LIMA1: variants seen among roughly 807,000 people sequenced by gnomAD.
LIMA1 encodes the protein LIM domain and actin-binding protein 1.
Under a neutral mutation model 62.6 loss-of-function variants are expected in LIMA1, and 52 were observed. The ratio of observed to expected loss-of-function variants is 0.83; its 90% CI spans 0.67 to 1.05. The LOEUF (loss-of-function observed/expected upper bound fraction) is 1.05, where lower values mean the gene tolerates loss of function less well. LIMA1 is among the 50% of genes least tolerant of loss of function. The probability of loss-of-function intolerance (pLI) is 0.00; values close to 1 mark genes in which losing one functional copy is unlikely to be tolerated. For synonymous variants in LIMA1, 302 were observed against 317.8 expected (o/e 0.95, Z 0.53); for missense variants, 780 against 902.2 (o/e 0.86, Z 1.74).
intron 8 of LIMA1, among the ~76,000 whole-genome samples, chr12:50,194,305 A>T (rs968276675): frequency 7.9e-6 from 1 of 127,104 alleles, no homozygotes; most frequent in African/African-American, 3.0e-5. Context: ...ATATATATAT[A>T]TTTTGTTTTG....
At chr12:50,219,273 T>G (rs1941402901) in intron 4 of LIMA1, among the ~76,000 whole-genome samples, 1 of 151,874 alleles carries the variant, frequency 6.6e-6, no homozygotes, top group African/African-American at 2.4e-5. Context: ...TCACCTGAGG[T>G]CAGGAGTTCA....
chr12:50,227,235 TTC>T (rs1491040971), intron 3 of LIMA1, among the ~76,000 whole-genome samples: 3 of 110,576 alleles, frequency 2.7e-5, no homozygotes, highest in South Asian at 4.0e-4. Context: ...CTTTTTTCTT[TTC>T]TTTTTTTTTT....
chr12:50,247,472 T>G (rs914910578), intron 2 of LIMA1, among the ~76,000 whole-genome samples: 4 of 152,034 alleles, frequency 2.6e-5, no homozygotes, highest in African/African-American at 9.7e-5. Flanking sequence ...GATGACAGCA[T>G]CAACCGCCTG....
chr12:50,213,185 T>C (rs905440755), intron 4 of LIMA1, among the ~76,000 whole-genome samples: 2 of 152,244 alleles, frequency 1.3e-5, no homozygotes, highest in African/African-American at 2.4e-5. Context: ...TGCATTCCAA[T>C]GTATTCCTTC....
chr12:50,221,879 T>G, intron 4 of LIMA1, 142 bp downstream of exon 4: 1 of 670,656 alleles, frequency 1.5e-6, no homozygotes, highest in Non-Finnish European at 2.5e-6. Flanking sequence ...ATAATGCATT[T>G]GAGACTATTA....
At chr12:50,228,658 T>C (rs1941566707) in intron 3 of LIMA1, among the ~76,000 whole-genome samples, 1 of 152,238 alleles carries the variant, frequency 6.6e-6, no homozygotes, top group Non-Finnish European at 1.5e-5. Flanking sequence ...ATGTCCATTT[T>C]ATCCGCAGCG....
intron 1 of LIMA1, among the ~76,000 whole-genome samples, 156 bp from the exon 2 acceptor site, chr12:50,248,930 T>C (rs1026931915): frequency 6.6e-6 from 1 of 152,170 alleles, no homozygotes; most frequent in Non-Finnish European, 1.5e-5. Context: ...TCCAATATCT[T>C]TGGGTTGTGG....
rs549399398 is a variant in LIMA1, at chr12:50,206,174, A to G, written c.631-106T>C. ...ATAAATAAAATCCAGATTTGATTTT[A>G]TATTTTATATTCTATAGAATTTTTT... is the stretch of plus-strand genomic sequence containing the variant. On this transcript the variant is annotated intron_variant, in intron 4 of 10. Coordinates refer to ENST00000341247, the MANE Select transcript of LIMA1 (RefSeq NM_016357.5). 1,921 of 785,378 alleles carry G rather than the reference A, an allele frequency of 2.4e-3. 13 individuals are homozygous for G. The highest frequency in any genetic ancestry group is 2.0e-3 in the Non-Finnish European group (1,031 of 503,510). 48.7% of individuals were successfully genotyped at this position (785,378 alleles called of 1,614,324 possible).
intron 7 of LIMA1, among the ~76,000 whole-genome samples, chr12:50,199,634 A>G (rs1393984931): frequency 6.6e-6 from 1 of 152,104 alleles, no homozygotes; most frequent in Admixed American, 6.6e-5. Flanking sequence ...TCTTGCACAT[A>G]AAGACCACAT....
chr12:50,184,358 A>G (rs911491962), intron 9 of LIMA1, among the ~76,000 whole-genome samples: 1 of 152,230 alleles, frequency 6.6e-6, no homozygotes, highest in Non-Finnish European at 1.5e-5. Context: ...TAGGAGATAC[A>G]CTGGCCAGGT....
intron 9 of LIMA1, among the ~76,000 whole-genome samples, chr12:50,182,361 G>T (rs966261598): frequency 1.1e-4 from 16 of 152,016 alleles, no homozygotes; most frequent in South Asian, 2.1e-4. Flanking sequence ...AAGGGGTCGG[G>T]GGGGGGAGTG....
At chr12:50,186,280 T>C (rs910994710) in intron 9 of LIMA1, 3 of 152,220 alleles carry the variant, frequency 2.0e-5, no homozygotes, top group African/African-American at 7.2e-5. Context: ...AAGAGATTTT[T>C]TTTTTCATTC....
At chr12:50,277,375 T>C (rs1389209055) in intron 1 of LIMA1, among the ~76,000 whole-genome samples, 2 of 152,158 alleles carry the variant, frequency 1.3e-5, no homozygotes, top group Non-Finnish European at 2.9e-5. Flanking sequence ...GCATCCAGTC[T>C]TTCCTCAGGC....
At chr12:50,196,174 C>G in intron 7 of LIMA1, 1 of 309,970 alleles carries the variant, frequency 3.2e-6, no homozygotes, top group Non-Finnish European at 5.9e-6. Flanking sequence ...AACTTCTAAA[C>G]CATATTTTTC....
chr12:50,194,818 C>T (rs139886018), intron 8 of LIMA1, among the ~76,000 whole-genome samples: 2,193 of 151,648 alleles, frequency 0.014, 71 homozygotes, highest in African/African-American at 0.051. Context: ...GAGGCCGAGG[C>T]GGGTGGATTG....
At chr12:50,283,317 C>A (rs736167) in intron 1 of LIMA1, 103 bp downstream of exon 1, 39,902 of 151,882 alleles carry the variant, frequency 0.26, 5,979 homozygotes, top group East Asian at 0.64. Flanking sequence ...GGGACTCACA[C>A]TCCTTGCACT....
At chr12:50,241,194 A>G (rs1209317300) in intron 2 of LIMA1, among the ~76,000 whole-genome samples, 1 of 152,174 alleles carries the variant, frequency 6.6e-6, no homozygotes, top group Non-Finnish European at 1.5e-5. Context: ...CACTTGTACT[A>G]ATATATCTGT....
chr12:50,230,868 C>T (rs1304786423), intron 3 of LIMA1, among the ~76,000 whole-genome samples: 2 of 152,224 alleles, frequency 1.3e-5, no homozygotes, highest in East Asian at 1.9e-4. Flanking sequence ...TGAGCCACCG[C>T]ACCCGGCCAG....
At chr12:50,270,604 CAAAAAAAAA>C (rs150300834) in intron 1 of LIMA1, among the ~76,000 whole-genome samples, 6 of 71,696 alleles carry the variant, frequency 8.4e-5, no homozygotes, top group Non-Finnish European at 1.6e-4. Flanking sequence ...GACCTTATCT[CAAAAAAAAA>C]AAAAAAAAAA....
Sources: allele counts gnomAD v4.1 joint callset (sites outside exome capture counted in the v4.1 genomes callset), GRCh38; gene constraint gnomAD v4.1.1; transcripts MANE v1.5; gene names NCBI Gene and HGNC (gene_info 2026-07-23, HGNC 2026-07-21).